Variants in KCNT2 observed in about 807,000 individuals in gnomAD.
KCNT2 encodes potassium channel subfamily T member 2.
A neutral mutation model predicts 153.8 loss-of-function variants in KCNT2; 67 were observed. That is an observed-to-expected ratio of 0.44 (90% CI 0.36 to 0.53). The LOEUF (loss-of-function observed/expected upper bound fraction) is 0.53. Among genes scored for constraint, KCNT2 ranks in the 20% least tolerant of loss-of-function variants. The probability of loss-of-function intolerance (pLI) is 0.00; values close to 1 mark genes in which losing one functional copy is unlikely to be tolerated. For missense variants in KCNT2, 975 were observed against 1,354.8 expected, an observed-to-expected ratio of 0.72 and a Z score of 4.40; for synonymous variants, 500 against 458.8, an observed-to-expected ratio of 1.09 and a Z score of -1.15.
intron 1 of KCNT2, among the ~76,000 whole-genome samples, chr1:196,513,580 A>G (rs934865333): frequency 2.0e-5 from 3 of 152,206 alleles, no homozygotes; most frequent in African/African-American, 7.2e-5. Flanking sequence ...AAAAAAATGA[A>G]CAACTCTTAC....
rs778425985 is a variant in KCNT2, at chr1:196,423,125, T to A, written c.1122-12A>T. 4 of 1,571,228 alleles carry A rather than the reference T, an allele frequency of 2.5e-6. No individual in the cohort carries two copies. In the South Asian group the frequency reaches 3.5e-5, roughly 14 times the overall value. On this transcript the variant is annotated splice_polypyrimidine_tract_variant and intron_variant, in intron 11 of 27. Coordinates refer to ENST00000294725, the MANE Select transcript of KCNT2 (RefSeq NM_198503.5). ...CAGCGTCATCCATCCTAAATACAGA[T>A]GGAAAAACAAAATAATCACACACTG...
intron 12 of KCNT2, among the ~76,000 whole-genome samples, chr1:196,407,717 C>T (rs945286366): frequency 1.3e-5 from 2 of 151,422 alleles, no homozygotes; most frequent in East Asian, 1.9e-4. Context: ...AGGGAAATCA[C>T]TGAGTGCTCA....
At chr1:196,233,990 C>A (rs1654186365) in intron 27 of KCNT2, among the ~76,000 whole-genome samples, 1 of 151,276 alleles carries the variant, frequency 6.6e-6, no homozygotes, top group African/African-American at 2.4e-5. Flanking sequence ...TGCTTCAAAG[C>A]ACAGTAGGGC....
chr1:196,506,304 G>C (rs1042066918), intron 1 of KCNT2, among the ~76,000 whole-genome samples: 5 of 152,066 alleles, frequency 3.3e-5, no homozygotes, highest in Non-Finnish European at 7.4e-5. Flanking sequence ...ACAAAGCAAT[G>C]ACAACTCATA....
intron 13 of KCNT2, among the ~76,000 whole-genome samples, chr1:196,374,992 C>T (rs1160395669): frequency 6.6e-6 from 1 of 151,776 alleles, no homozygotes; most frequent in African/African-American, 2.4e-5. Context: ...AGTGCACAAA[C>T]CATATTTCTT....
intron 21 of KCNT2, among the ~76,000 whole-genome samples, chr1:196,306,497 A>AC (rs1426605848): frequency 1.3e-5 from 2 of 152,012 alleles, no homozygotes; most frequent in African/African-American, 4.8e-5. Flanking sequence ...ACGAGTTTTT[A>AC]CCTTTCCTCA....
At chr1:196,430,767 G>C (rs1674081976) in intron 8 of KCNT2, among the ~76,000 whole-genome samples, 1 of 152,014 alleles carries the variant, frequency 6.6e-6, no homozygotes, top group African/African-American at 2.4e-5. Context: ...AATCACATTA[G>C]AAATAATGCT....
chr1:196,535,029 C>A (rs1281373131), intron 1 of KCNT2, among the ~76,000 whole-genome samples: 1 of 152,140 alleles, frequency 6.6e-6, no homozygotes, highest in African/African-American at 2.4e-5. Flanking sequence ...TTATAATTTC[C>A]CTTTTCATGC....
intron 8 of KCNT2, among the ~76,000 whole-genome samples, chr1:196,442,132 A>G (rs1675288357): frequency 6.6e-6 from 1 of 151,778 alleles, no homozygotes; most frequent in Non-Finnish European, 1.5e-5. Context: ...GGGAAAAAGA[A>G]CAGTTCTGCT....
At chr1:196,443,126 G>A (rs924111985) in intron 8 of KCNT2, among the ~76,000 whole-genome samples, 2 of 151,512 alleles carry the variant, frequency 1.3e-5, no homozygotes, top group African/African-American at 4.8e-5. Context: ...TGCCTCCTAC[G>A]TATCTGGATT....
At chr1:196,530,414 T>C (rs1383235953) in intron 1 of KCNT2, among the ~76,000 whole-genome samples, 2 of 151,942 alleles carry the variant, frequency 1.3e-5, no homozygotes, top group African/African-American at 4.8e-5. Flanking sequence ...ATTTTTGGTA[T>C]ATCAACAGTA....
chr1:196,271,625 T>C (rs1571864083), intron 25 of KCNT2, among the ~76,000 whole-genome samples: 1 of 151,988 alleles, frequency 6.6e-6, no homozygotes, highest in East Asian at 1.9e-4. Context: ...TAGAAAATAT[T>C]AGGAAAAAAT....
intron 26 of KCNT2, among the ~76,000 whole-genome samples, chr1:196,236,460 A>G (rs996407449): frequency 6.6e-6 from 1 of 151,520 alleles, no homozygotes; most frequent in Non-Finnish European, 1.5e-5. Flanking sequence ...AAGAATATCC[A>G]CACAGGAAAT....
At chr1:196,234,564 A>C (rs12071084) in intron 27 of KCNT2, among the ~76,000 whole-genome samples, 5,789 of 150,928 alleles carry the variant, frequency 0.038, 159 homozygotes, top group South Asian at 0.082. Flanking sequence ...ATTCACCCCA[A>C]CCCTAACCCA....
intron 13 of KCNT2, among the ~76,000 whole-genome samples, chr1:196,382,145 C>A (rs1384829757): frequency 7.3e-6 from 1 of 136,196 alleles, no homozygotes; most frequent in African/African-American, 2.6e-5. Context: ...GTCCCCCAGG[C>A]TGGAATGCAG....
At chr1:196,440,645 A>G (rs921046603) in intron 8 of KCNT2, among the ~76,000 whole-genome samples, 9 of 152,084 alleles carry the variant, frequency 5.9e-5, no homozygotes, top group Admixed American at 5.3e-4. Flanking sequence ...TGTGGATTAC[A>G]CAGCCCTGGA....
At chr1:196,580,802 T>C (rs1323844705) in intron 1 of KCNT2, among the ~76,000 whole-genome samples, 2 of 152,094 alleles carry the variant, frequency 1.3e-5, no homozygotes, top group African/African-American at 2.4e-5. Flanking sequence ...AAACTGACTA[T>C]AGAGAATAAA....
Position 196,332,442 on chromosome 1 carries a change from T to C in KCNT2, c.1998-1181A>G, listed in dbSNP as rs114055792. Among the ~76,000 whole-genome samples the C allele has an allele frequency of 2.3e-3, 352 of 152,270 alleles. 2 individuals are homozygous for C. Among genetic ancestry groups the C allele is most frequent in the African/African-American group, 8.0e-3 (332 of 41,564 alleles). On this transcript the variant is annotated intron_variant, in intron 17 of 27. Transcript: ENST00000294725. ...ACCATTAATGTCTTTGAAGAGTAGA[T>C]TTGGTTTTGTGGGTACACCAACCTT...
chr1:196,373,380 A>C, intron 13 of KCNT2, 132 bp from the exon 14 acceptor site: 1 of 584,458 alleles, frequency 1.7e-6, no homozygotes, highest in Non-Finnish European at 3.1e-6. Flanking sequence ...TGTTTTTACA[A>C]GTGCAATTTT....
Sources: gnomAD v4.1 joint callset for allele counts (sites outside exome capture counted in the v4.1 genomes callset) on GRCh38, gnomAD v4.1.1 for gene constraint, MANE v1.5 for transcripts, NCBI Gene and HGNC (gene_info 2026-07-23, HGNC 2026-07-21) for gene names.